The following ASPM variants were observed in gnomAD, a reference collection of about 807,000 sequenced individuals.
ASPM encodes assembly factor for spindle microtubules.
ASPM carries 256 observed loss-of-function variants against 366.4 expected under a neutral mutation model. The ratio of observed to expected loss-of-function variants is 0.70; its 90% CI spans 0.63 to 0.77. ASPM has a LOEUF of 0.77. ASPM is among the 30% of genes least tolerant of loss of function. The pLI, the probability that ASPM is intolerant of heterozygous loss-of-function variation, is 0.00. For missense variants in ASPM, 4,146 were observed against 4,090.4 expected, an observed-to-expected ratio of 1.01 and a Z score of -0.37; for synonymous variants, 1,414 against 1,342.9, an observed-to-expected ratio of 1.05 and a Z score of -1.16.
In ASPM at chr1:197,146,440, C is replaced by G. The variant is rs760378711; in HGVS notation, c.-3G>C. On this transcript the variant is annotated 5_prime_UTR_variant, in exon 1 of 28. Coordinates refer to ENST00000367409, the MANE Select transcript of ASPM (RefSeq NM_018136.5). Reference sequence around the variant, plus strand: ...CGCCCCACTCGCCGGTTCGCCATGGCAGATTCGAGACCCCTCCTGGATCTC... The same window carrying G: ...CGCCCCACTCGCCGGTTCGCCATGGGAGATTCGAGACCCCTCCTGGATCTC... 1.2e-6 allele frequency: 2 copies of G among 1,606,244 alleles called. No homozygotes were observed.
At position 197,146,277 on chromosome 1, in the gene ASPM, T is replaced by A; in HGVS notation, c.161A>T (p.Asp54Val). The change falls in exon 1 of 28, where the codon GAC becomes GTC. Residue 54 changes from aspartate (D) to valine (V), a missense_variant. Coordinates refer to ENST00000367409, the MANE Select transcript of ASPM (RefSeq NM_018136.5). ...CGTCCGTGAGGCTCCCAGGAGAACG[T>A]CCCCGAAGCAAAGGAAAGGAGACCT... Reference protein sequence around the residue: ...FCRSPFLCFGDVLLGASRTLS... With the variant: ...FCRSPFLCFGVVLLGASRTLS... The A allele has an allele frequency of 1.2e-6, 2 of 1,613,954 alleles. No individual in the cohort carries two copies. The highest frequency in any genetic ancestry group is 1.7e-6 in the Non-Finnish European group (2 of 1,179,994).
rs1255072378 is a variant in ASPM, at chr1:197,091,054, T to C, written c.9445-13A>G. 6.9e-6 allele frequency: 11 copies of C among 1,593,538 alleles called. No homozygotes were observed. The highest frequency in any genetic ancestry group is 1.7e-5 in the Admixed American group (1 of 59,720). ...CTCGAAACCATCTCTGTTTAAAACA[T>C]AGAATTTTGTTTTTCATTTCTACTT... On this transcript the variant is annotated splice_polypyrimidine_tract_variant and intron_variant, in intron 22 of 27. Transcript: ENST00000367409.
At position 197,101,122 on chromosome 1, in the gene ASPM, G is replaced by A; in HGVS notation, c.8129C>T (p.Thr2710Ile). ...RMHRAKVDYE[T>I]KKTAIVVIQN... ...TATAACCACAATTGCAGTTTTCTTT[G>A]TTTCATAATCAACTTTGGCCCTGTG... is the stretch of plus-strand genomic sequence containing the variant. The change falls in exon 18 of 28, where the codon ACA becomes ATA. Residue 2710 changes from threonine to isoleucine, a missense_variant. By Grantham distance (89) the Thr-to-Ile change is moderately conservative. Around this residue, in one of 3 missense-constraint regions of ASPM, gnomAD observed 3,624 missense variants for 3,591.7 expected, o/e 1.01. Transcript: ENST00000367409. 1 of 1,611,980 alleles carries A rather than the reference G, an allele frequency of 6.2e-7. No homozygotes were observed. The highest frequency in any genetic ancestry group is 8.5e-7 in the Non-Finnish European group (1 of 1,178,914).
chr1:197,089,293 T>G (rs1424469337), intron 25 of ASPM, among the ~76,000 whole-genome samples: 1 of 152,020 alleles, frequency 6.6e-6, no homozygotes, highest in East Asian at 1.9e-4. Context: ...AAGAGAAATC[T>G]TTCAACCTTT....
Position 197,113,203 on chromosome 1 carries a change from G to A in ASPM, c.4065+4586C>T, listed in dbSNP as rs1430918145. On this transcript the variant is annotated intron_variant, in intron 17 of 27. Coordinates refer to ENST00000367409, the MANE Select transcript of ASPM (RefSeq NM_018136.5). ...ACAAAGATGGGAACAATAGACACCG[G>A]GACTGCTTGATGAGCGCAAGTCAGA... Among the ~76,000 whole-genome samples the A allele has an allele frequency of 1.3e-5, 2 of 151,990 alleles. 1 individual carries two copies. Among genetic ancestry groups the A allele is most frequent in the Non-Finnish European group, 2.9e-5 (2 of 68,008 alleles).
At chr1:197,137,206 T>C (rs995466666) in intron 4 of ASPM, among the ~76,000 whole-genome samples, 5 of 152,236 alleles carry the variant, frequency 3.3e-5, no homozygotes, top group African/African-American at 1.2e-4. Flanking sequence ...GAAGTCACAT[T>C]AATTATTTTT....
Position 197,104,942 on chromosome 1 carries a change from G to C in ASPM, c.4309C>G (p.Arg1437Gly). 1 of 1,611,898 alleles carries C rather than the reference G, an allele frequency of 6.2e-7. No homozygotes were observed. Among genetic ancestry groups the C allele is most frequent in the Non-Finnish European group, 8.5e-7 (1 of 1,179,028 alleles). Reference sequence around the variant, plus strand: ...GCTTTTACTTGTGATTGCATTTTACGTTGCTTCCATTTTCTGAACATAGAT... The same window carrying C: ...GCTTTTACTTGTGATTGCATTTTACCTTGCTTCCATTTTCTGAACATAGAT... ...IQSMFRKWKQRKMQSQVKATV... is the reference protein window; with the variant it reads ...IQSMFRKWKQGKMQSQVKATV... Residue 1437 changes from arginine (R) to glycine (G), a missense_variant, in exon 18 of 28, where the codon CGT becomes GGT. Transcript: ENST00000367409.
chr1:197,140,391 G>T (rs1658544646), intron 3 of ASPM, among the ~76,000 whole-genome samples: 1 of 152,208 alleles, frequency 6.6e-6, no homozygotes, highest in Non-Finnish European at 1.5e-5. Flanking sequence ...AGGTAGGGAG[G>T]AGTTCAATAA....
chr1:197,089,691 A>G (rs998694322), intron 25 of ASPM, among the ~76,000 whole-genome samples: 3 of 152,020 alleles, frequency 2.0e-5, no homozygotes, highest in African/African-American at 7.2e-5. Context: ...TTTAATCATC[A>G]TTGTTTTTAA....
intron 10 of ASPM, 95 bp from the exon 11 acceptor site, chr1:197,125,286 C>T: frequency 7.0e-7 from 1 of 1,420,772 alleles, no homozygotes; most frequent in Non-Finnish European, 9.9e-7. Flanking sequence ...TAAATCCCAA[C>T]AGTTACAGGG....
chr1:197,106,662 C>T (rs928038157), intron 17 of ASPM, among the ~76,000 whole-genome samples: 3 of 152,014 alleles, frequency 2.0e-5, no homozygotes, highest in Non-Finnish European at 2.9e-5. Flanking sequence ...TTGCTTATTA[C>T]AATAGCAATT....
At position 197,103,552 on chromosome 1, in the gene ASPM, G is replaced by T. The variant is rs1343725451; in HGVS notation, c.5699C>A (p.Ala1900Asp). ...VRKQIRREHQAALKIQSAFRM... is the reference protein window; with the variant it reads ...VRKQIRREHQDALKIQSAFRM... The stretch of plus-strand genomic sequence containing the variant: ...AAAAGCAGACTGAATCTTCAAGGCA[G>T]CTTGATGTTCCCTTCTAATCTGTTT... Residue 1900 changes from alanine to aspartate, a missense_variant, in exon 18 of 28, where the codon GCT becomes GAT. Coordinates refer to ENST00000367409, the MANE Select transcript of ASPM (RefSeq NM_018136.5). 4 of 1,612,966 alleles carry T rather than the reference G, an allele frequency of 2.5e-6. No individual in the cohort carries two copies. The Admixed American group carries it at 5.0e-5, about 20-fold the overall frequency.
rs761106315 is a variant in ASPM, at chr1:197,103,648, C to A, written c.5603G>T (p.Arg1868Ile). ...YRAYKTLHDT[R>I]THFLKTKAAV... ...TGCCTTTGTCTTCAAAAAATGTGTT[C>A]TTGTATCATGAAGAGTCTTGTACGC... is the stretch of plus-strand genomic sequence containing the variant. Residue 1868 changes from arginine to isoleucine, a missense_variant, in exon 18 of 28, where the codon AGA becomes ATA. Around this residue, in one of 3 missense-constraint regions of ASPM, gnomAD observed 3,624 missense variants for 3,591.7 expected, o/e 1.01. Coordinates refer to ENST00000367409, the MANE Select transcript of ASPM (RefSeq NM_018136.5). The A allele has an allele frequency of 6.2e-7, 1 of 1,612,802 alleles. No homozygotes were observed. The highest frequency in any genetic ancestry group is 1.1e-5 in the South Asian group (1 of 91,054).
intron 18 of ASPM, 121 bp downstream of exon 18, chr1:197,100,310 A>C (rs1005240575): frequency 1.1e-4 from 75 of 709,124 alleles, no homozygotes; most frequent in Admixed American, 5.5e-4. Flanking sequence ...TTGGAAGATA[A>C]ATGGTCACCT....
chr1:197,093,177 AAGC>A lies in ASPM; in HGVS notation c.9166_9168del (p.Ala3056del), dbSNP rs770901890. 1.9e-6 allele frequency: 3 copies of A among 1,612,684 alleles called. No individual in the cohort carries two copies. The South Asian group carries it at 3.3e-5, about 18-fold the overall frequency. ...GCTCGTATATATTTTTGTATGATCAAAGCAGCAGATTTCTGCCGAAGAAAGACC... is the reference window on the plus strand; with the variant it reads ...GCTCGTATATATTTTTGTATGATCAAAGCAGATTTCTGCCGAAGAAAGACC... On this transcript the variant is annotated inframe_deletion, in exon 21 of 28. Transcript: ENST00000367409.
At chr1:197,123,364 A>G (rs1657977078) in intron 13 of ASPM, among the ~76,000 whole-genome samples, 1 of 152,180 alleles carries the variant, frequency 6.6e-6, no homozygotes, top group African/African-American at 2.4e-5. Flanking sequence ...AGGCATTCAC[A>G]CACGTCAATA....
chr1:197,093,405 G>A, intron 20 of ASPM, 144 bp from the exon 21 acceptor site: 1 of 788,766 alleles, frequency 1.3e-6, no homozygotes, highest in Non-Finnish European at 2.1e-6. Flanking sequence ...ATGAAATGAT[G>A]ATGAAGCATT....
chr1:197,101,044 A>G lies in ASPM; in HGVS notation c.8207T>C (p.Leu2736Ser), dbSNP rs754149930. Residue 2736 changes from leucine to serine, a missense_variant, in exon 18 of 28, where the codon TTA (leucine) becomes TCA (serine). Leu to Ser is a moderately radical substitution (Grantham distance 145). Coordinates refer to ENST00000367409, the MANE Select transcript of ASPM (RefSeq NM_018136.5). The part of the protein sequence containing the change: ...VRVKTERKNF[L>S]AVQKSVRTIQ... ...AGTTCGTACAGATTTCTGAACTGCT[A>G]AAAAGTTTTTTCTTTCTGTTTTTAC... 2 of 1,611,688 alleles carry G rather than the reference A, an allele frequency of 1.2e-6. No homozygotes were observed.
rs905064382 is a variant in ASPM, at chr1:197,135,205, G to GT, written c.2063dup (p.Asn688LysfsTer5). 9 of 1,613,822 alleles carry GT rather than the reference G, an allele frequency of 5.6e-6. No homozygotes were observed. The African/African-American group carries it at 6.7e-5, about 12-fold the overall frequency. On this transcript the variant is annotated frameshift_variant, in exon 5 of 28. Coordinates refer to ENST00000367409, the MANE Select transcript of ASPM (RefSeq NM_018136.5). LOFTEE classifies it high-confidence loss of function. Reference sequence around the variant, plus strand: ...CCTTCCAGCGTTCATCATAAAACATGTTTTTTGCAGCAAATGGCATCGGGT... The same window carrying GT: ...CCTTCCAGCGTTCATCATAAAACATGTTTTTTTGCAGCAAATGGCATCGGGT...
Sources: gnomAD v4.1 joint callset for allele counts (sites outside exome capture counted in the v4.1 genomes callset) on GRCh38, gnomAD v4.1.1 for gene constraint, gnomAD v4.1.1 regional missense constraint, MANE v1.5 for transcripts, NCBI Gene and HGNC (gene_info 2026-07-23, HGNC 2026-07-21) for gene names.